PCDH15: variants seen among roughly 807,000 people sequenced by gnomAD.
The protein encoded by PCDH15 is protocadherin-15.
PCDH15 carries 129 observed loss-of-function variants against 178.5 expected under a neutral mutation model. The ratio of observed to expected loss-of-function variants is 0.72; its 90% confidence interval spans 0.63 to 0.84. PCDH15 has a LOEUF of 0.84. Among genes scored for constraint, PCDH15 ranks in the 40% least tolerant of loss-of-function variants. The pLI, the probability that PCDH15 is intolerant of heterozygous loss-of-function variation, is 0.00. For missense variants in PCDH15, 2,230 were observed against 2,099.9 expected, an observed-to-expected ratio of 1.06 and a Z score of -1.21; for synonymous variants, 800 against 732.0, an observed-to-expected ratio of 1.09 and a Z score of -1.50.
chr10:54,779,378 A>C (rs1950030558), intron 1 of PCDH15, among the ~76,000 whole-genome samples: 1 of 135,564 alleles, frequency 7.4e-6, no homozygotes, highest in African/African-American at 2.7e-5. Flanking sequence ...ATATATATTT[A>C]TCTGTCTCTC....
intron 2 of PCDH15, among the ~76,000 whole-genome samples, chr10:55,128,980 C>T (rs1438434117): frequency 6.6e-6 from 1 of 152,076 alleles, no homozygotes; most frequent in Non-Finnish European, 1.5e-5. Flanking sequence ...ATGATCTGTA[C>T]ATCAATATAT....
intron 2 of PCDH15, among the ~76,000 whole-genome samples, chr10:54,567,860 C>T (rs1057276836): frequency 2.0e-5 from 3 of 152,102 alleles, no homozygotes; most frequent in Non-Finnish European, 4.4e-5. Context: ...TCATAGAAGG[C>T]CTTCCTGCTG....
chr10:54,344,522 A>C (rs1193920002), intron 6 of PCDH15, among the ~76,000 whole-genome samples: 1 of 152,160 alleles, frequency 6.6e-6, no homozygotes, highest in East Asian at 1.9e-4. Flanking sequence ...GCATGCAATA[A>C]ATATCTCCCT....
chr10:55,443,372 T>A (rs577888655), intron 2 of PCDH15, among the ~76,000 whole-genome samples: 7 of 151,774 alleles, frequency 4.6e-5, no homozygotes, highest in South Asian at 4.2e-4. Context: ...TGGGAGAAAA[T>A]TTTTGAAATC....
chr10:53,952,074 C>T (rs528293662), intron 23 of PCDH15, among the ~76,000 whole-genome samples: 38 of 152,306 alleles, frequency 2.5e-4, no homozygotes, highest in East Asian at 1.4e-3. Flanking sequence ...GTCCCAAAGA[C>T]GGTGTCATAG....
At chr10:54,056,317 T>C (rs1025319203) in intron 18 of PCDH15, among the ~76,000 whole-genome samples, 1 of 152,090 alleles carries the variant, frequency 6.6e-6, no homozygotes, top group Non-Finnish European at 1.5e-5. Flanking sequence ...TATTAGTCTG[T>C]CCTAATGTTG....
chr10:55,302,397 G>C (rs1035226911), intron 1 of PCDH15, among the ~76,000 whole-genome samples: 1 of 152,114 alleles, frequency 6.6e-6, no homozygotes, highest in Admixed American at 6.6e-5. Context: ...ATAATGGAGA[G>C]AGAGATGGGA....
At chr10:54,655,529 C>A (rs2094387133) in intron 2 of PCDH15, 1 of 149,426 alleles carries the variant, frequency 6.7e-6, no homozygotes, top group African/African-American at 2.5e-5. Flanking sequence ...TTATCAGTAC[C>A]TTTTTTCTTC....
chr10:54,705,848 G>C (rs1352229885), intron 1 of PCDH15, among the ~76,000 whole-genome samples: 1 of 152,052 alleles, frequency 6.6e-6, no homozygotes, highest in Non-Finnish European at 1.5e-5. Context: ...TCAAATTATA[G>C]GTGATTATAG....
At chr10:53,987,700 C>T (rs1188791680) in intron 21 of PCDH15, among the ~76,000 whole-genome samples, 1 of 152,108 alleles carries the variant, frequency 6.6e-6, no homozygotes, top group East Asian at 1.9e-4. Context: ...GGCCAATTTA[C>T]CATGAAGGCC....
intron 26 of PCDH15, among the ~76,000 whole-genome samples, chr10:53,871,382 T>A (rs927800621): frequency 6.6e-6 from 1 of 151,726 alleles, no homozygotes; most frequent in Admixed American, 6.6e-5. Context: ...AAATTTCAGA[T>A]TTCTTTATTC....
At chr10:55,562,215 G>C (rs1216306967) in intron 2 of PCDH15, among the ~76,000 whole-genome samples, 4 of 151,880 alleles carry the variant, frequency 2.6e-5, no homozygotes, top group Admixed American at 2.6e-4. Flanking sequence ...CTTCAGTTTA[G>C]CTGGAAATTT....
At chr10:54,678,636 T>C (rs905072246) in intron 1 of PCDH15, among the ~76,000 whole-genome samples, 6 of 152,156 alleles carry the variant, frequency 3.9e-5, no homozygotes, top group African/African-American at 7.2e-5. Context: ...TTTTAATACA[T>C]TGAATTAAAA....
chr10:55,171,745 T>C (rs1007943067), intron 1 of PCDH15, among the ~76,000 whole-genome samples: 3 of 152,114 alleles, frequency 2.0e-5, no homozygotes, highest in Non-Finnish European at 4.4e-5. Flanking sequence ...CAGAAGTTGA[T>C]ACTGACTTCA....
intron 11 of PCDH15, among the ~76,000 whole-genome samples, chr10:54,189,062 GAAAACATTA>G (rs2048731951): frequency 6.6e-6 from 1 of 151,874 alleles, no homozygotes; most frequent in African/African-American, 2.4e-5. Context: ...TGTGGACTGA[GAAAACATTA>G]ATAATTAAGC....
At chr10:55,600,350 T>G (rs1469403759) in intron 2 of PCDH15, among the ~76,000 whole-genome samples, 1 of 148,588 alleles carries the variant, frequency 6.7e-6, no homozygotes, top group East Asian at 2.1e-4. Flanking sequence ...AGAGACAGAG[T>G]GAGACTCTGT....
chr10:54,102,066 AT>A (rs2094823207), intron 15 of PCDH15, among the ~76,000 whole-genome samples: 1 of 152,228 alleles, frequency 6.6e-6, no homozygotes, highest in Non-Finnish European at 1.5e-5. Flanking sequence ...AGTGGAAAAA[AT>A]ATTTATTCAA....
chr10:54,437,184 C>G (rs12356859), intron 3 of PCDH15, among the ~76,000 whole-genome samples: 2 of 152,142 alleles, frequency 1.3e-5, no homozygotes, highest in Non-Finnish European at 2.9e-5. Flanking sequence ...GAAGCAAGCT[C>G]TCCAATTTTT....
chr10:54,075,889 C>T (rs529246213), intron 17 of PCDH15, among the ~76,000 whole-genome samples: 162 of 152,138 alleles, frequency 1.1e-3, no homozygotes, highest in Non-Finnish European at 1.5e-3. Context: ...TATAAGTTCT[C>T]CAGCTTTGTT....
Sources: allele counts gnomAD v4.1 joint callset (sites outside exome capture counted in the v4.1 genomes callset), GRCh38; gene constraint gnomAD v4.1.1; transcripts MANE v1.5; gene names NCBI Gene and HGNC (gene_info 2026-07-23, HGNC 2026-07-21).